The following ZNF765 variants were observed in gnomAD, a reference collection of about 807,000 sequenced individuals.
The protein encoded by ZNF765 is zinc finger protein 765.
A neutral mutation model predicts 44.7 loss-of-function variants in ZNF765; 37 were observed. That is an observed-to-expected ratio of 0.83 (90% CI 0.64 to 1.09). The LOEUF is 1.09. ZNF765 is among the 50% of genes least tolerant of loss of function. The pLI is 0.00. For synonymous variants in ZNF765, 201 were observed against 213.7 expected (o/e 0.94, Z 0.52); for missense variants, 594 against 626.1 (o/e 0.95, Z 0.55).
At position 53,408,167 on chromosome 19, in the gene ZNF765, A is replaced by G; in HGVS notation, c.612A>G (p.Gln204=). 6.2e-7 allele frequency: 1 copy of G among 1,614,082 alleles called. No individual in the cohort carries two copies. Among genetic ancestry groups the G allele is most frequent in the East Asian group, 2.2e-5 (1 of 44,882 alleles). Residue 204 remains glutamine, a synonymous_variant, in exon 4 of 4, where the codon CAA becomes CAG. Transcript: ENST00000396408. ...NNFLNSSLFT[Q]KQEVHMREKS... is the part of the protein sequence containing the mutation. Reference sequence around the variant, plus strand: ...TCCTGAATTCTTCATTATTCACACAAAAACAGGAAGTACATATGAGGGAAA... The same window carrying G: ...TCCTGAATTCTTCATTATTCACACAGAAACAGGAAGTACATATGAGGGAAA...
rs1282645026 is a variant in ZNF765, at chr19:53,409,874, A to G, written c.*747A>G. The G allele has an allele frequency of 1.7e-5, 11 of 656,130 alleles. No homozygotes were observed. Among genetic ancestry groups the G allele is most frequent in the Non-Finnish European group, 2.9e-5 (10 of 341,146 alleles). 40.6% of individuals were successfully genotyped at this position (656,130 alleles called of 1,614,324 possible). On this transcript the variant is annotated 3_prime_UTR_variant, in exon 4 of 4. Coordinates refer to ENST00000396408, the MANE Select transcript of ZNF765 (RefSeq NM_001040185.3). ...TACTGGAGAGGTACCTTACAAGGATAATGAGTGTAGAAAAACCTTTCATGG... is the reference window on the plus strand; with the variant it reads ...TACTGGAGAGGTACCTTACAAGGATGATGAGTGTAGAAAAACCTTTCATGG...
rs1176419474 is a variant in ZNF765, at chr19:53,407,932, A to G, written c.377A>G (p.Tyr126Cys). The G allele has an allele frequency of 6.2e-7, 1 of 1,614,200 alleles. No individual in the cohort carries two copies. The highest frequency in any genetic ancestry group is 8.5e-7 in the Non-Finnish European group (1 of 1,180,028). The change falls in exon 4 of 4, where the codon TAT (tyrosine) becomes TGT (cysteine). Residue 126 changes from tyrosine to cysteine, a missense_variant. Around this residue, in one of 2 missense-constraint regions of ZNF765, gnomAD observed 567 missense variants for 572.6 expected, o/e 0.99. Transcript: ENST00000396408. ...IKKLTGSTER[Y>C]DQNYAGNKPV... ...AAGTTGACAGGTAGTACAGAGCGAT[A>G]TGATCAAAATTATGCTGGAAACAAG...
chr19:53,413,231 C>A, downstream of ZNF765: 1 of 593,588 alleles, frequency 1.7e-6, no homozygotes, highest in Non-Finnish European at 3.2e-6. Context: ...GATTCCTGGC[C>A]AAGAAACAAA....
chr19:53,403,570 C>T (rs1243700091), intron 3 of ZNF765, among the ~76,000 whole-genome samples: 1 of 152,002 alleles, frequency 6.6e-6, no homozygotes, highest in African/African-American at 2.4e-5. Flanking sequence ...TTTTTGTGCC[C>T]CAGTGGCTCA....
rs1475062664 is a variant in ZNF765, at chr19:53,395,180, T to A, written c.-87T>A. On this transcript the variant is annotated 5_prime_UTR_variant, in exon 1 of 4. Coordinates refer to ENST00000396408, the MANE Select transcript of ZNF765 (RefSeq NM_001040185.3). ...GGAAGCGGACGGCGTGGAGTGACTATCCCACCGCCGCGGGTGAGTTTCGCT... is the reference window on the plus strand; with the variant it reads ...GGAAGCGGACGGCGTGGAGTGACTAACCCACCGCCGCGGGTGAGTTTCGCT... 6.6e-6 allele frequency: 1 copy of A among 152,382 alleles called. No homozygotes were observed. 9.4% of individuals were successfully genotyped at this position (152,382 alleles called of 1,614,324 possible). A position where few individuals can be genotyped will look rare whatever the true frequency, so the allele number is the denominator to read the frequency against.
chr19:53,400,170 G>C (rs1475206286), intron 2 of ZNF765, among the ~76,000 whole-genome samples: 3 of 151,996 alleles, frequency 2.0e-5, no homozygotes, highest in African/African-American at 7.2e-5. Context: ...TCAAGTAGAC[G>C]CCAGTGTCTG....
In ZNF765 at chr19:53,407,902, T is replaced by G. The variant is rs777423464; in HGVS notation, c.347T>G (p.Ile116Ser). 38 of 1,613,324 alleles carry G rather than the reference T, an allele frequency of 2.4e-5. No homozygotes were observed. The highest frequency in any genetic ancestry group is 3.3e-5 in the South Asian group (3 of 90,948). The change falls in exon 4 of 4, where the codon ATC (isoleucine) becomes AGC (serine). Residue 116 changes from isoleucine (I) to serine (S), a missense_variant. By Grantham distance (142) the Ile-to-Ser change is moderately radical. This residue lies in a region of ZNF765 where 567 missense variants were observed against 572.6 expected (regional missense o/e 0.99). Transcript: ENST00000396408. ...GGCCATGAAGCACTCATGACAAAAA[T>G]CAAAAAGTTGACAGGTAGTACAGAG... ...RNGHEALMTKIKKLTGSTERY... is the reference protein window; with the variant it reads ...RNGHEALMTKSKKLTGSTERY...
chr19:53,410,339 A>G lies in ZNF765; in HGVS notation c.*1212A>G. On this transcript the variant is annotated 3_prime_UTR_variant, in exon 4 of 4. Transcript: ENST00000396408. ...AATTCATACTGGAGAGAAAGCTTACATATGTGAAGAATGTCACCAAGTTTT... is the reference window on the plus strand; with the variant it reads ...AATTCATACTGGAGAGAAAGCTTACGTATGTGAAGAATGTCACCAAGTTTT... 5 of 346,284 alleles carry G rather than the reference A, an allele frequency of 1.4e-5. 1 individual carries two copies. The highest frequency in any genetic ancestry group is 1.3e-4 in the South Asian group (5 of 38,630). 21.5% of individuals were successfully genotyped at this position (346,284 alleles called of 1,614,324 possible). A position where few individuals can be genotyped will look rare whatever the true frequency, so the allele number is the denominator to read the frequency against.
At chr19:53,404,213 G>A (rs1190040482) in intron 3 of ZNF765, among the ~76,000 whole-genome samples, 1 of 152,128 alleles carries the variant, frequency 6.6e-6, no homozygotes, top group Non-Finnish European at 1.5e-5. Context: ...GAGTAGCTGG[G>A]ATTACAGGCA....
chr19:53,403,581 C>T (rs576010972), intron 3 of ZNF765, among the ~76,000 whole-genome samples: 81 of 152,334 alleles, frequency 5.3e-4, no homozygotes, highest in Middle Eastern at 6.8e-3. Context: ...CAGTGGCTCA[C>T]GCCTGTAATC....
chr19:53,402,022 A>T (rs753450888), intron 2 of ZNF765, 43 bp from the exon 3 acceptor site: 6 of 1,613,852 alleles, frequency 3.7e-6, no homozygotes, highest in East Asian at 2.2e-5. Context: ...AAAGATAAGA[A>T]CTCCTCCCAT....
chr19:53,410,266 G>A lies in ZNF765; in HGVS notation c.*1139G>A. ...TGGAGATAAACGTTACAAATGTGAA[G>A]CATGTGACAAAGTTTACAGTCGCAA... On this transcript the variant is annotated 3_prime_UTR_variant, in exon 4 of 4. Coordinates refer to ENST00000396408, the MANE Select transcript of ZNF765 (RefSeq NM_001040185.3). 1 of 361,306 alleles carries A rather than the reference G, an allele frequency of 2.8e-6. No homozygotes were observed. The highest frequency in any genetic ancestry group is 2.4e-5 in the South Asian group (1 of 42,230). The allele number at this position is 361,306 out of a possible 1,614,324, so 22.4% of individuals were successfully genotyped here.
intron 2 of ZNF765, among the ~76,000 whole-genome samples, chr19:53,399,673 C>T (rs1009570175): frequency 1.3e-5 from 2 of 150,606 alleles, no homozygotes; most frequent in African/African-American, 4.9e-5. Flanking sequence ...GATCAAGACT[C>T]CATCTCAAAA....
At chr19:53,402,577 T>C (rs1318478861) in intron 3 of ZNF765, among the ~76,000 whole-genome samples, 5 of 152,032 alleles carry the variant, frequency 3.3e-5, no homozygotes, top group Admixed American at 2.0e-4. Context: ...TCTCTTGTTT[T>C]TAGATAAAGT....
rs1410187751 is a variant in ZNF765 at position 53,422,132 on chromosome 19, G to A, written c.143-930G>A. 2.0e-5 allele frequency among the ~76,000 whole-genome samples: 3 copies of A among 152,256 alleles called. 1 individual carries two copies. Among genetic ancestry groups the A allele is most frequent in the Admixed American group, 2.0e-4 (3 of 15,296 alleles). On this transcript the variant is annotated intron_variant, in intron 3 of 3. Transcript: ENST00000594030. ...ATGTTTTACATGTCAATGGAAACCG[G>A]TGAAAAATAAAATTATGAAATTAAA... is the stretch of plus-strand genomic sequence containing the variant.
chr19:53,403,961 A>T lies in ZNF765; in HGVS notation c.142+1770A>T, dbSNP rs2085752322. Among the ~76,000 whole-genome samples the T allele has an allele frequency of 2.0e-5, 3 of 152,108 alleles. No homozygotes were observed. The South Asian group carries it at 6.2e-4, about 31-fold the overall frequency. On this transcript the variant is annotated intron_variant, in intron 3 of 3. Coordinates refer to ENST00000396408, the MANE Select transcript of ZNF765 (RefSeq NM_001040185.3). ...GTATGTTGCATTCGCATTAACATATATGTAGTGTTTTTTCATGCTTTTTTC... is the reference window on the plus strand; with the variant it reads ...GTATGTTGCATTCGCATTAACATATTTGTAGTGTTTTTTCATGCTTTTTTC...
At chr19:53,412,752 C>G (rs1379467048), downstream of ZNF765, among the ~76,000 whole-genome samples, 2 of 152,168 alleles carry the variant, frequency 1.3e-5, no homozygotes, top group East Asian at 3.9e-4. Context: ...AACTCGTGAC[C>G]TCGTGATCCA....
chr19:53,410,031 A>T lies in ZNF765; in HGVS notation c.*904A>T, dbSNP rs1335393207. The stretch of plus-strand genomic sequence containing the variant: ...GATAAATGCAGAATAAATGCAGAAA[A>T]TTTTTCAGACATCCTTCATACCTTT... On this transcript the variant is annotated 3_prime_UTR_variant, in exon 4 of 4. Transcript: ENST00000396408. 1 of 492,056 alleles carries T rather than the reference A, an allele frequency of 2.0e-6. No individual in the cohort carries two copies. The highest frequency in any genetic ancestry group is 4.1e-6 in the Non-Finnish European group (1 of 244,448). 30.5% of individuals were successfully genotyped at this position (492,056 alleles called of 1,614,324 possible).
In ZNF765 at chr19:53,408,272, A is replaced by ATTAATTG. The variant is rs1249997154; in HGVS notation, c.717_718insTTAATTG (p.Glu240LeufsTer7). ...GGAAACATCAGTTAATCCATTTAGG[A>ATTAATTG]GAGAAACAATATAAATGCGATATAT... On this transcript the variant is annotated frameshift_variant, in exon 4 of 4. Coordinates refer to ENST00000396408, the MANE Select transcript of ZNF765 (RefSeq NM_001040185.3). LOFTEE classifies it high-confidence loss of function. The ATTAATTG allele has an allele frequency of 6.2e-7, 1 of 1,614,234 alleles. No homozygotes were observed. Among genetic ancestry groups the ATTAATTG allele is most frequent in the Non-Finnish European group, 8.5e-7 (1 of 1,180,040 alleles).
Sources: allele counts gnomAD v4.1 joint callset (sites outside exome capture counted in the v4.1 genomes callset), GRCh38; gene constraint gnomAD v4.1.1; regional missense constraint gnomAD v4.1.1; transcripts MANE v1.5; gene names NCBI Gene and HGNC (gene_info 2026-07-23, HGNC 2026-07-21).